The following PRLR variants were observed in gnomAD, a reference collection of about 807,000 sequenced individuals.
PRLR encodes prolactin receptor.
PRLR carries 13 observed loss-of-function variants against 40.2 expected under a neutral mutation model. The ratio of observed to expected loss-of-function variants is 0.32; its 90% CI spans 0.21 to 0.51. The LOEUF (loss-of-function observed/expected upper bound fraction) is 0.51, where lower values mean the gene tolerates loss of function less well. Among genes scored for constraint, PRLR ranks in the 20% least tolerant of loss-of-function variants. The pLI is 0.97. For missense variants in PRLR, 656 were observed against 747.3 expected, an observed-to-expected ratio of 0.88 and a Z score of 1.42; for synonymous variants, 269 against 278.7, an observed-to-expected ratio of 0.97 and a Z score of 0.35.
At chr5:35,175,602 A>C (rs1271138622) in intron 1 of PRLR, among the ~76,000 whole-genome samples, 1 of 152,206 alleles carries the variant, frequency 6.6e-6, no homozygotes, top group Non-Finnish European at 1.5e-5. Context: ...TTGCCTGAAG[A>C]GTTTCTAAGA....
At chr5:35,124,383 G>A (rs1477310878) in intron 1 of PRLR, among the ~76,000 whole-genome samples, 1 of 151,952 alleles carries the variant, frequency 6.6e-6, no homozygotes, top group Non-Finnish European at 1.5e-5. Flanking sequence ...GCATGCTTAT[G>A]CTGAGACAAC....
intron 1 of PRLR, among the ~76,000 whole-genome samples, chr5:35,220,382 T>C (rs1202352040): frequency 1.3e-5 from 2 of 152,206 alleles, no homozygotes; most frequent in Non-Finnish European, 2.9e-5. Context: ...GAAGCCTTCT[T>C]TCTGCCAGCT....
At chr5:35,173,466 C>T (rs548977385) in intron 1 of PRLR, among the ~76,000 whole-genome samples, 11 of 152,258 alleles carry the variant, frequency 7.2e-5, no homozygotes, top group Middle Eastern at 6.8e-3. Context: ...TTCAGGACCC[C>T]GCACAGCTCA....
In PRLR at chr5:35,103,966, T is replaced by A. The variant is rs1195690162; in HGVS notation, c.-44+14095A>T. On this transcript the variant is annotated intron_variant, in intron 2 of 9. Transcript: ENST00000618457. ...AATATTTTCCTTTTTTTTTTAAAGC[T>A]GTGTAAGTGCATGTGCCCAGGCGAA... Among the ~76,000 whole-genome samples, 4 of 152,148 alleles carry A rather than the reference T, an allele frequency of 2.6e-5. No individual in the cohort carries two copies. In the South Asian group the frequency reaches 8.3e-4, roughly 32 times the overall value.
intron 1 of PRLR, among the ~76,000 whole-genome samples, chr5:35,174,086 G>C (rs1399434438): frequency 7.6e-6 from 1 of 130,964 alleles, no homozygotes; most frequent in Non-Finnish European, 1.6e-5. Flanking sequence ...CTGGGTGTTC[G>C]GTTTTTTTTT....
At chr5:35,155,920 G>A (rs1290941447) in intron 1 of PRLR, among the ~76,000 whole-genome samples, 1 of 152,038 alleles carries the variant, frequency 6.6e-6, no homozygotes, top group East Asian at 1.9e-4. Flanking sequence ...ATATATAAAT[G>A]CACACAGTTT....
chr5:35,051,942 C>T (rs569971406), downstream of PRLR, among the ~76,000 whole-genome samples: 22 of 152,016 alleles, frequency 1.4e-4, no homozygotes, highest in African/African-American at 2.4e-4. Flanking sequence ...TTAAGACAAA[C>T]GTGACCATTA....
chr5:35,112,337 GA>G (rs775635992), intron 2 of PRLR, among the ~76,000 whole-genome samples: 1 of 152,174 alleles, frequency 6.6e-6, no homozygotes, highest in Non-Finnish European at 1.5e-5. Context: ...GAGCCTCAAA[GA>G]AGGGCTGGGT....
chr5:35,089,586 G>A lies in PRLR; in HGVS notation c.35C>T (p.Thr12Ile), dbSNP rs1357668983. The change falls in exon 3 of 10, where the codon ACT (threonine) becomes ATT (isoleucine). Residue 12 changes from threonine to isoleucine, a missense_variant. Around this residue, in one of 3 missense-constraint regions of PRLR, gnomAD observed 180 missense variants for 236.8 expected, o/e 0.76. Transcript: ENST00000618457. The part of the protein sequence containing the change: ...KENVASATVF[T>I]LLLFLNTCLL... ...GCAGGTGTTGAGAAAAAGTAGCAGA[G>A]TGAAAACGGTTGCAGATGCCACATT... The A allele has an allele frequency of 6.2e-7, 1 of 1,613,982 alleles. No individual in the cohort carries two copies.
At chr5:35,199,589 A>G (rs549198652) in intron 1 of PRLR, among the ~76,000 whole-genome samples, 20 of 40,178 alleles carry the variant, frequency 5.0e-4, no homozygotes, top group African/African-American at 1.4e-3. Flanking sequence ...AATTGAAAAA[A>G]AAATCATCAT....
chr5:35,052,894 A>G (rs1448895452), downstream of PRLR, among the ~76,000 whole-genome samples: 1 of 152,184 alleles, frequency 6.6e-6, no homozygotes, highest in Admixed American at 6.5e-5. Flanking sequence ...TGTTGAAACT[A>G]AGCATAAAAA....
intron 1 of PRLR, among the ~76,000 whole-genome samples, chr5:35,160,927 A>G (rs892946632): frequency 1.2e-4 from 18 of 152,234 alleles, no homozygotes; most frequent in African/African-American, 4.3e-4. Context: ...GACTTGAGTA[A>G]TAACTCTGTC....
chr5:35,188,457 G>A (rs547181763), intron 1 of PRLR, among the ~76,000 whole-genome samples: 16 of 152,294 alleles, frequency 1.1e-4, no homozygotes, highest in African/African-American at 3.4e-4. Flanking sequence ...CTGAGTGAGC[G>A]ACAGACATGG....
In PRLR at chr5:35,191,073, T is replaced by C. The variant is rs1478204571; in HGVS notation, c.-106+39195A>G. Among the ~76,000 whole-genome samples, 9 of 12,756 alleles carry C rather than the reference T, an allele frequency of 7.1e-4. 1 individual carries two copies. Among genetic ancestry groups the C allele is most frequent in the South Asian group, 2.0e-3 (1 of 508 alleles). 8.4% of individuals were successfully genotyped at this position (12,756 alleles called of 152,430 possible). A position where few individuals can be genotyped will look rare whatever the true frequency, so the allele number is the denominator to read the frequency against. On this transcript the variant is annotated intron_variant, in intron 1 of 9. Coordinates refer to ENST00000618457, the MANE Select transcript of PRLR (RefSeq NM_000949.7). ...CTTTTTTTTTTTTTTTTTTTTTTTTTTTTTTTTTTTTTTTTGAGACGGAGT... is the reference window on the plus strand; with the variant it reads ...CTTTTTTTTTTTTTTTTTTTTTTTTCTTTTTTTTTTTTTTTGAGACGGAGT...
At chr5:35,193,090 C>T (rs892278566) in intron 1 of PRLR, among the ~76,000 whole-genome samples, 1 of 152,150 alleles carries the variant, frequency 6.6e-6, no homozygotes, top group African/African-American at 2.4e-5. Flanking sequence ...CCTTCTTCTT[C>T]AGAGATGCCA....
At chr5:35,049,295 C>T in exon 9 of PRLR, 2 of 703,398 alleles carry the variant, frequency 2.8e-6, no homozygotes, top group Non-Finnish European at 5.2e-6. Flanking sequence ...CTCTACTGGA[C>T]TGTGGTCAAT....
At position 35,057,552 on chromosome 5, in the gene PRLR, G is replaced by C. The variant is rs181370310; in HGVS notation, c.*7537C>G. ...GGTTTTGGCATGCAGTAAAAATGAA[G>C]ATGTTATGATAATAGCAGTTAGTGT... On this transcript the variant is annotated 3_prime_UTR_variant, in exon 10 of 10. Coordinates refer to ENST00000618457, the MANE Select transcript of PRLR (RefSeq NM_000949.7). 1 of 152,220 alleles carries C rather than the reference G, an allele frequency of 6.6e-6. No homozygotes were observed. Among genetic ancestry groups the C allele is most frequent in the Non-Finnish European group, 1.5e-5 (1 of 67,982 alleles). The allele number at this position is 152,220 out of a possible 1,614,324, so 9.4% of individuals were successfully genotyped here. A position where few individuals can be genotyped will look rare whatever the true frequency, so the allele number is the denominator to read the frequency against.
intron 1 of PRLR, among the ~76,000 whole-genome samples, chr5:35,221,765 C>T (rs1267651041): frequency 6.6e-6 from 1 of 152,142 alleles, no homozygotes; most frequent in Non-Finnish European, 1.5e-5. Context: ...AAGAGGCTTG[C>T]TTTTTGCTAT....
intron 2 of PRLR, among the ~76,000 whole-genome samples, chr5:35,106,208 C>A (rs1217612247): frequency 2.6e-5 from 4 of 152,164 alleles, no homozygotes; most frequent in East Asian, 1.9e-4. Context: ...GCCTGCCTTA[C>A]AAGAGCTCCT....
Sources: allele counts gnomAD v4.1 joint callset (sites outside exome capture counted in the v4.1 genomes callset), GRCh38; gene constraint gnomAD v4.1.1; regional missense constraint gnomAD v4.1.1; transcripts MANE v1.5; gene names NCBI Gene and HGNC (gene_info 2026-07-23, HGNC 2026-07-21).